Variants in ADAP1 observed in about 807,000 individuals in gnomAD.
The protein encoded by ADAP1 is ArfGAP with dual PH domains 1, also known as arf-GAP with dual PH domain-containing protein 1.
Under a neutral mutation model 54.9 loss-of-function variants are expected in ADAP1, and 31 were observed. That is an observed-to-expected ratio of 0.56 (90% CI 0.42 to 0.76). The LOEUF is 0.76. Among genes scored for constraint, ADAP1 ranks in the 30% least tolerant of loss-of-function variants. The pLI, the probability that ADAP1 is intolerant of heterozygous loss-of-function variation, is 0.00. For synonymous variants in ADAP1, 313 were observed against 202.6 expected (o/e 1.55, Z -4.63); for missense variants, 535 against 512.4 (o/e 1.04, Z -0.42).
chr7:919,301 G>A (rs1394287752), intron 4 of ADAP1, among the ~76,000 whole-genome samples: 1 of 152,164 alleles, frequency 6.6e-6, no homozygotes, highest in African/African-American at 2.4e-5. Context: ...GTCCCTGCAG[G>A]CCACCCCCGA....
intron 1 of ADAP1, among the ~76,000 whole-genome samples, chr7:953,866 C>T (rs1156263372): frequency 6.6e-6 from 1 of 152,224 alleles, no homozygotes; most frequent in African/African-American, 2.4e-5. Context: ...TGTCCTGGCG[C>T]CCGCCCCGGA....
intron 6 of ADAP1, among the ~76,000 whole-genome samples, chr7:902,617 C>T (rs912119233): frequency 6.6e-6 from 1 of 151,180 alleles, no homozygotes; most frequent in African/African-American, 2.4e-5. Context: ...GAAAAATGAA[C>T]CAGTTTAAGA....
Position 911,791 on chromosome 7 carries a change from C to T in ADAP1, c.389-6619G>A, listed in dbSNP as rs1488627128. On this transcript the variant is annotated intron_variant, in intron 4 of 10. Transcript: ENST00000265846. ...GGCCAGGAAGGGGGCGGGGGTCCCA[C>T]GGAGGGCCAGGAAGGGGGCGGGGGA... Among the ~76,000 whole-genome samples, 19 of 130,644 alleles carry T rather than the reference C, an allele frequency of 1.5e-4. No homozygotes were observed. In the East Asian group the frequency reaches 3.8e-3, roughly 26 times the overall value. The allele number at this position is 130,644 out of a possible 152,430, so 85.7% of individuals were successfully genotyped here.
At chr7:928,996 C>T (rs879607327) in intron 2 of ADAP1, among the ~76,000 whole-genome samples, 1 of 152,170 alleles carries the variant, frequency 6.6e-6, no homozygotes, top group Non-Finnish European at 1.5e-5. Context: ...GTTCCTCGGC[C>T]ATAAAGAGGA....
intron 1 of ADAP1, among the ~76,000 whole-genome samples, chr7:949,583 G>A (rs1029358539): frequency 3.3e-5 from 5 of 152,244 alleles, no homozygotes; most frequent in Admixed American, 6.5e-5. Flanking sequence ...AGCTGGCTGC[G>A]GTCACGGCCG....
At position 907,465 on chromosome 7, in the gene ADAP1, G is replaced by A. The variant is rs775168099; in HGVS notation, c.389-2293C>T. 6.6e-5 allele frequency among the ~76,000 whole-genome samples: 10 copies of A among 152,242 alleles called. No homozygotes were observed. The South Asian group carries it at 8.3e-4, about 13-fold the overall frequency. ...CTCCGAGTCTCGGGCCCGTGGGATC[G>A]TCCTGGAGCTCTGCCAGAGCTGTGG... On this transcript the variant is annotated intron_variant, in intron 4 of 10. Transcript: ENST00000265846.
intron 1 of ADAP1, among the ~76,000 whole-genome samples, chr7:950,714 G>A (rs986078144): frequency 6.6e-6 from 1 of 151,680 alleles, no homozygotes; most frequent in African/African-American, 2.4e-5. Context: ...AAAATTAGCC[G>A]GGCGTGGTGG....
intron 1 of ADAP1, among the ~76,000 whole-genome samples, chr7:936,275 G>T (rs1165923480): frequency 6.6e-6 from 1 of 151,764 alleles, no homozygotes; most frequent in Admixed American, 6.6e-5. Context: ...ATCTCGGCTC[G>T]CTGCAACCTC....
chr7:953,868 C>T (rs1015187720), intron 1 of ADAP1, among the ~76,000 whole-genome samples: 2 of 152,194 alleles, frequency 1.3e-5, no homozygotes, highest in African/African-American at 2.4e-5. Flanking sequence ...TCCTGGCGCC[C>T]GCCCCGGAGC....
chr7:907,029 C>A (rs979411689), intron 4 of ADAP1, among the ~76,000 whole-genome samples: 1 of 152,074 alleles, frequency 6.6e-6, no homozygotes, highest in African/African-American at 2.4e-5. Flanking sequence ...TCGTGCTGCC[C>A]GGGAGGACCA....
At position 946,480 on chromosome 7, in the gene ADAP1, C is replaced by T. The variant is rs929063713; in HGVS notation, c.82+7916G>A. 5.3e-5 allele frequency among the ~76,000 whole-genome samples: 8 copies of T among 152,336 alleles called. No individual in the cohort carries two copies. The East Asian group carries it at 1.5e-3, about 29-fold the overall frequency. The stretch of plus-strand genomic sequence containing the variant: ...CCGGTTCAGGGACACGTGCCCCTCT[C>T]CTGGATCCCTCCCAGCAGCACCCGG... On this transcript the variant is annotated intron_variant, in intron 1 of 10. Transcript: ENST00000265846. This position sits in a 1 kb window ranked among gnomAD's most constrained non-coding sequence, Gnocchi z 4.3.
chr7:926,958 A>C lies in ADAP1; in HGVS notation c.214-314T>G. 8.0e-7 allele frequency: 1 copy of C among 1,254,434 alleles called. No homozygotes were observed. The highest frequency in any genetic ancestry group is 1.6e-5 in the South Asian group (1 of 63,558). The allele number at this position is 1,254,434 out of a possible 1,614,324, so 77.7% of individuals were successfully genotyped here. The stretch of plus-strand genomic sequence containing the variant: ...CGTTTCAACCCCCAAGTCCACCCAC[A>C]CCGGGTGTCCCGTGGGAGAGAGCTG... On this transcript the variant is annotated intron_variant, in intron 2 of 10. Transcript: ENST00000265846. The surrounding 1 kb of genome is among the most constrained non-coding windows in gnomAD (Gnocchi z 4.6).
At chr7:917,453 T>C (rs2128103668) in intron 4 of ADAP1, among the ~76,000 whole-genome samples, 1 of 152,258 alleles carries the variant, frequency 6.6e-6, no homozygotes, top group Non-Finnish European at 1.5e-5. Flanking sequence ...TGTTCAGCCA[T>C]TTCAGGGCCG....
chr7:938,663 G>C lies in ADAP1; in HGVS notation c.83-3158C>G, dbSNP rs1297666082. 6.6e-6 allele frequency among the ~76,000 whole-genome samples: 1 copy of C among 152,148 alleles called. No homozygotes were observed. The highest frequency in any genetic ancestry group is 1.5e-5 in the Non-Finnish European group (1 of 68,022). Reference sequence around the variant, plus strand: ...GCGCCCAGAAGGCACGCCAGTCTCCGGGCCTCGGTCTCCTCATCTGTCGGA... The same window carrying C: ...GCGCCCAGAAGGCACGCCAGTCTCCCGGCCTCGGTCTCCTCATCTGTCGGA... On this transcript the variant is annotated intron_variant, in intron 1 of 10. Coordinates refer to ENST00000265846, the MANE Select transcript of ADAP1 (RefSeq NM_006869.4). The surrounding 1 kb of genome is among the most constrained non-coding windows in gnomAD (Gnocchi z 4.4).
intron 4 of ADAP1, among the ~76,000 whole-genome samples, chr7:911,459 CCT>C (rs1845718746): frequency 6.6e-6 from 1 of 152,194 alleles, no homozygotes; most frequent in Non-Finnish European, 1.5e-5. Flanking sequence ...AGCCCCAAAC[CCT>C]GAGGCCCCCA....
chr7:911,993 G>A (rs990928504), intron 4 of ADAP1, among the ~76,000 whole-genome samples: 6 of 152,192 alleles, frequency 3.9e-5, no homozygotes, highest in Admixed American at 2.0e-4. Flanking sequence ...TGCGAGGAAC[G>A]GCTGGTGATG....
intron 2 of ADAP1, among the ~76,000 whole-genome samples, chr7:934,980 G>A (rs1478966456): frequency 2.0e-5 from 3 of 152,228 alleles, no homozygotes; most frequent in Non-Finnish European, 2.9e-5. Context: ...CCCTGACTCT[G>A]GGTCGTGCCG....
Position 946,851 on chromosome 7 carries a change from T to C in ADAP1, c.82+7545A>G, listed in dbSNP as rs1847153730. 1.3e-5 allele frequency among the ~76,000 whole-genome samples: 2 copies of C among 152,204 alleles called. 1 individual carries two copies. Among genetic ancestry groups the C allele is most frequent in the South Asian group, 4.1e-4 (2 of 4,834 alleles). ...AATTTTCACTTTGAAATGATTAACC[T>C]GAGGCCGGGCGGGGCGGCTCACGCC... On this transcript the variant is annotated intron_variant, in intron 1 of 10. Transcript: ENST00000265846. This position sits in a 1 kb window ranked among gnomAD's most constrained non-coding sequence, Gnocchi z 4.3.
chr7:906,732 GGGGACAGA>G (rs752928216), intron 4 of ADAP1, among the ~76,000 whole-genome samples: 2,431 of 34,366 alleles, frequency 0.071, 185 homozygotes, highest in East Asian at 0.38. Context: ...ACGGGACATG[GGGGACAGA>G]GTACATAGGG....
Sources: gnomAD v4.1 joint callset for allele counts (sites outside exome capture counted in the v4.1 genomes callset) on GRCh38, gnomAD v4.1.1 for gene constraint, Gnocchi (gnomAD v3.1) non-coding constraint, MANE v1.5 for transcripts, NCBI Gene and HGNC (gene_info 2026-07-23, HGNC 2026-07-21) for gene names.